The following ALG12 variants were observed in gnomAD, a reference collection of about 807,000 sequenced individuals.
The protein encoded by ALG12 is ALG12 alpha-1,6-mannosyltransferase, also known as dol-P-Man:Man(7)GlcNAc(2)-PP-Dol alpha-1,6-mannosyltransferase.
Under a neutral mutation model 46.0 loss-of-function variants are expected in ALG12, and 36 were observed. That is an observed-to-expected ratio of 0.78 (90% confidence interval 0.60 to 1.03). The LOEUF (loss-of-function observed/expected upper bound fraction) is 1.03, where lower values mean the gene tolerates loss of function less well. Ranked by LOEUF, ALG12 falls within the 50% of genes least tolerant of loss-of-function variation. The pLI is 0.00. For missense variants in ALG12, 599 were observed against 633.5 expected, an observed-to-expected ratio of 0.95 and a Z score of 0.58; for synonymous variants, 326 against 291.6, an observed-to-expected ratio of 1.12 and a Z score of -1.20.
At chr22:49,869,923 A>G in the ALG12 span, among the ~76,000 whole-genome samples, 1 of 152,154 alleles carries the variant, frequency 6.6e-6, no homozygotes, top group East Asian at 1.9e-4. Context: ...GATCGTGAGC[A>G]TGGTACTCAA....
chr22:49,865,863 CTTTTTTTTT>C, the ALG12 span, among the ~76,000 whole-genome samples: 1 of 139,520 alleles, frequency 7.2e-6, no homozygotes, highest in Non-Finnish European at 1.6e-5. Flanking sequence ...TTCACATTTT[CTTTTTTTTT>C]TTTTTCCCTT....
the ALG12 span, among the ~76,000 whole-genome samples, chr22:49,880,409 G>A: frequency 8.7e-4 from 133 of 152,312 alleles, no homozygotes; most frequent in African/African-American, 3.0e-3. Context: ...CCGCGCTCGG[G>A]ACATGCTCGA....
the ALG12 span, chr22:49,887,270 TACG>T: frequency 2.0e-5 from 28 of 1,380,608 alleles, no homozygotes; most frequent in South Asian, 3.3e-4. Context: ...CACGGCTGTG[TACG>T]ACATCAGACC....
At chr22:49,878,396 G>C in the ALG12 span, among the ~76,000 whole-genome samples, 1 of 151,948 alleles carries the variant, frequency 6.6e-6, no homozygotes, top group Non-Finnish European at 1.5e-5. Context: ...TACGTGGTCA[G>C]TATAAACACC....
the ALG12 span, among the ~76,000 whole-genome samples, chr22:49,867,886 A>C: frequency 6.6e-6 from 1 of 152,252 alleles, no homozygotes; most frequent in African/African-American, 2.4e-5. Flanking sequence ...AGACACTTAC[A>C]TGAGCCCACA....
At chr22:49,873,292 G>C in the ALG12 span, among the ~76,000 whole-genome samples, 1 of 152,204 alleles carries the variant, frequency 6.6e-6, no homozygotes, top group Non-Finnish European at 1.5e-5. Flanking sequence ...TGAACATGTA[G>C]AGGATTAATC....
At chr22:49,861,443 G>C in the ALG12 span, among the ~76,000 whole-genome samples, 2 of 151,844 alleles carry the variant, frequency 1.3e-5, no homozygotes, top group African/African-American at 4.8e-5. Context: ...CACCTGACCT[G>C]TTTGTTTTGA....
the ALG12 span, chr22:49,884,434 C>T: frequency 6.2e-7 from 1 of 1,614,116 alleles, no homozygotes; most frequent in Non-Finnish European, 8.5e-7. Context: ...GTCTCCCCAC[C>T]TCCCTGCTCT....
the ALG12 span, chr22:49,884,860 C>G: frequency 6.2e-7 from 1 of 1,609,308 alleles, no homozygotes. Flanking sequence ...CTTGCAGTCT[C>G]ACTTGAACCC....
At chr22:49,866,204 C>G in the ALG12 span, among the ~76,000 whole-genome samples, 1 of 152,088 alleles carries the variant, frequency 6.6e-6, no homozygotes, top group Non-Finnish European at 1.5e-5. Flanking sequence ...TTCTCAGTCC[C>G]TTTCACTATG....
At chr22:49,874,501 T>C in the ALG12 span, among the ~76,000 whole-genome samples, 1 of 151,432 alleles carries the variant, frequency 6.6e-6, no homozygotes, top group Non-Finnish European at 1.5e-5. Context: ...TTCTCCTGCC[T>C]CAGCGTCCCA....
chr22:49,892,187 C>CAAA, the ALG12 span, among the ~76,000 whole-genome samples: 940 of 55,206 alleles, frequency 0.017, 63 homozygotes, highest in African/African-American at 0.04. Context: ...GACTCTGTCT[C>CAAA]AAAAAAAAAA....
the ALG12 span, among the ~76,000 whole-genome samples, chr22:49,892,310 A>AT: frequency 6.6e-6 from 1 of 151,882 alleles, no homozygotes; most frequent in Non-Finnish European, 1.5e-5. Flanking sequence ...TGTTCACAAC[A>AT]TTTTTTCCTG....
At chr22:49,889,892 A>G in the ALG12 span, 1 of 167,068 alleles carries the variant, frequency 6.0e-6, no homozygotes, top group Non-Finnish European at 1.5e-5. Context: ...CCTGGAAATG[A>G]TGTTTTAGGC....
chr22:49,894,972 G>C, the ALG12 span, among the ~76,000 whole-genome samples: 7 of 152,216 alleles, frequency 4.6e-5, no homozygotes, highest in Admixed American at 3.3e-4. Context: ...AGAGTTGGAG[G>C]GAGTCACATG....
chr22:49,871,758 T>TTA, the ALG12 span, among the ~76,000 whole-genome samples: 1 of 119,772 alleles, frequency 8.3e-6, no homozygotes, highest in East Asian at 2.2e-4. Flanking sequence ...TATTTATTTA[T>TTA]TTTTTTTTTT....
chr22:49,904,303 A>T lies in ALG12; in HGVS notation c.1162+34T>A. The T allele has an allele frequency of 3.1e-6, 5 of 1,614,164 alleles. No individual in the cohort carries two copies. The South Asian group carries it at 4.4e-5, about 14-fold the overall frequency. ...AGAGCCCAGCCCTGCAGTCGGAGCC[A>T]CAGCAGTCCCCAGGCAGTGCCCCCA... On this transcript the variant is annotated intron_variant, in intron 8 of 9. Transcript: ENST00000330817.
At chr22:49,890,413 C>A in the ALG12 span, among the ~76,000 whole-genome samples, 163 of 152,316 alleles carry the variant, frequency 1.1e-3, no homozygotes, top group African/African-American at 3.8e-3. Context: ...CCATTTAGTC[C>A]ACCTCTAAAG....
At chr22:49,883,213 T>C in the ALG12 span, 1 of 152,988 alleles carries the variant, frequency 6.5e-6, no homozygotes, top group Admixed American at 6.5e-5. Flanking sequence ...AACAAGTTTT[T>C]CGATTCCAGT....
Sources: allele counts gnomAD v4.1 joint callset (sites outside exome capture counted in the v4.1 genomes callset), GRCh38; gene constraint gnomAD v4.1.1; transcripts MANE v1.5; gene names NCBI Gene and HGNC (gene_info 2026-07-23, HGNC 2026-07-21).